Variants in AIG1 observed in about 807,000 individuals in gnomAD.
AIG1 encodes the protein androgen-induced gene 1 protein.
Under a neutral mutation model 31.4 loss-of-function variants are expected in AIG1, and 23 were observed. That is an observed-to-expected ratio of 0.73 (90% CI 0.53 to 1.04). The LOEUF (loss-of-function observed/expected upper bound fraction) is 1.04, where lower values mean the gene tolerates loss of function less well. AIG1 is among the 50% of genes least tolerant of loss of function. AIG1 has a pLI of 0.00. For missense variants in AIG1, 274 were observed against 295.0 expected (o/e 0.93, Z 0.52); for synonymous variants, 100 against 110.5 (o/e 0.90, Z 0.60).
downstream of AIG1, chr6:143,342,383 T>C: frequency 1.4e-6 from 1 of 689,828 alleles, no homozygotes; most frequent in South Asian, 1.5e-5. Flanking sequence ...TTAACTTCTT[T>C]ATTCAGAAAA....
chr6:143,274,309 G>A (rs959944059), intron 3 of AIG1, among the ~76,000 whole-genome samples: 1 of 152,134 alleles, frequency 6.6e-6, no homozygotes, highest in Non-Finnish European at 1.5e-5. Context: ...CTTCCAGTTG[G>A]ATAAACTTGT....
chr6:143,136,405 C>G (rs966561590), intron 1 of AIG1, among the ~76,000 whole-genome samples: 1 of 152,156 alleles, frequency 6.6e-6, no homozygotes, highest in African/African-American at 2.4e-5. Context: ...AGTCCTCACC[C>G]TTTTGTTTTC....
At chr6:143,136,273 T>C (rs1457658182) in intron 1 of AIG1, among the ~76,000 whole-genome samples, 3 of 152,176 alleles carry the variant, frequency 2.0e-5, no homozygotes, top group Non-Finnish European at 4.4e-5. Context: ...TTCAGTCGAT[T>C]TTTTTATGAC....
chr6:143,261,729 G>A (rs1048183535), intron 3 of AIG1, among the ~76,000 whole-genome samples: 1 of 152,094 alleles, frequency 6.6e-6, no homozygotes, highest in Non-Finnish European at 1.5e-5. Context: ...AGTTCACAAA[G>A]ATGGAAAGTT....
chr6:143,329,318 TC>T lies in AIG1; in HGVS notation c.516-3963del, dbSNP rs1427519455. Among the ~76,000 whole-genome samples, 1 of 152,220 alleles carries T rather than the reference TC, an allele frequency of 6.6e-6. No individual in the cohort carries two copies. The highest frequency in any genetic ancestry group is 2.4e-5 in the African/African-American group (1 of 41,458). Reference sequence around the variant, plus strand: ...TTTTATGATAAGTTCTTTAGTCTGATCTCAGTTTCTTTACCTGTTTAAAGAG... The same window carrying T: ...TTTTATGATAAGTTCTTTAGTCTGATTCAGTTTCTTTACCTGTTTAAAGAG... On this transcript the variant is annotated intron_variant, in intron 4 of 5. Transcript: ENST00000357847. The surrounding 1 kb of genome is among the most constrained non-coding windows in gnomAD (Gnocchi z 4.9).
At chr6:143,245,917 G>A (rs1272501735) in intron 3 of AIG1, among the ~76,000 whole-genome samples, 1 of 152,130 alleles carries the variant, frequency 6.6e-6, no homozygotes, top group Non-Finnish European at 1.5e-5. Context: ...TTAGGGCACG[G>A]TTGTCCCATC....
chr6:143,065,090 A>G (rs534749589), intron 1 of AIG1, among the ~76,000 whole-genome samples: 48 of 152,344 alleles, frequency 3.2e-4, no homozygotes, highest in Admixed American at 7.8e-4. Flanking sequence ...CAGTTAAGGT[A>G]GGGCAGGGAC....
At chr6:143,141,003 A>G (rs1272132939) in intron 2 of AIG1, among the ~76,000 whole-genome samples, 3 of 152,112 alleles carry the variant, frequency 2.0e-5, no homozygotes, top group South Asian at 2.1e-4. Context: ...GCTATTATCT[A>G]CTGTCTTTCT....
chr6:143,090,272 A>G (rs9496518), intron 1 of AIG1, among the ~76,000 whole-genome samples: 45 of 150,820 alleles, frequency 3.0e-4, no homozygotes, highest in African/African-American at 1.0e-3. Context: ...TGATATCTCT[A>G]TCATCTATCT....
chr6:143,171,513 ATAATATATATATT>A (rs1386093625), intron 3 of AIG1, among the ~76,000 whole-genome samples: 1 of 128,760 alleles, frequency 7.8e-6, no homozygotes, highest in African/African-American at 2.9e-5. Context: ...TTTAATATAT[ATAATATATATATT>A]TAATATATAT....
intron 3 of AIG1, among the ~76,000 whole-genome samples, chr6:143,174,486 CAAAAAAAAAAAA>C (rs71024844): frequency 9.2e-4 from 55 of 59,660 alleles, no homozygotes; most frequent in Non-Finnish European, 1.8e-3. Context: ...GACTCCGTCT[CAAAAAAAAAAAA>C]AAAAAAAAAA....
chr6:143,078,373 G>A (rs1446709671), intron 1 of AIG1, among the ~76,000 whole-genome samples: 1 of 152,152 alleles, frequency 6.6e-6, no homozygotes, highest in Non-Finnish European at 1.5e-5. Context: ...GACATCTGTT[G>A]ATTGTGGGTT....
At chr6:143,221,674 G>A (rs1026527337) in intron 3 of AIG1, among the ~76,000 whole-genome samples, 7 of 152,014 alleles carry the variant, frequency 4.6e-5, no homozygotes, top group Admixed American at 4.6e-4. Flanking sequence ...TACATTTCAT[G>A]CATTTTCTTC....
intron 1 of AIG1, among the ~76,000 whole-genome samples, chr6:143,109,807 A>G (rs1358102819): frequency 2.0e-5 from 3 of 152,226 alleles, no homozygotes; most frequent in Non-Finnish European, 4.4e-5. Context: ...CATGACAAAT[A>G]TATTTTCTTT....
At chr6:143,276,819 G>C (rs145152546) in intron 3 of AIG1, among the ~76,000 whole-genome samples, 45 of 152,262 alleles carry the variant, frequency 3.0e-4, no homozygotes, top group South Asian at 2.7e-3. Context: ...ATTTCCCGAG[G>C]TAAAAATTCA....
Position 143,328,360 on chromosome 6 carries a change from G to A in AIG1, c.516-4922G>A, listed in dbSNP as rs540754656. Reference sequence around the variant, plus strand: ...ACTTTTGATTGTGCTTTAATGAAAGGCATCTGAACATATTCATCAGCTATG... The same window carrying A: ...ACTTTTGATTGTGCTTTAATGAAAGACATCTGAACATATTCATCAGCTATG... On this transcript the variant is annotated intron_variant, in intron 4 of 5. Coordinates refer to ENST00000357847, the MANE Select transcript of AIG1 (RefSeq NM_016108.4). The surrounding 1 kb of genome is among the most constrained non-coding windows in gnomAD (Gnocchi z 4.0). Among the ~76,000 whole-genome samples, 7 of 152,216 alleles carry A rather than the reference G, an allele frequency of 4.6e-5. No homozygotes were observed. Among genetic ancestry groups the A allele is most frequent in the African/African-American group, 1.4e-4 (6 of 41,536 alleles).
chr6:143,338,554 T>G lies in AIG1; in HGVS notation c.680-1085T>G, dbSNP rs2128727276. ...CTTCCTATTGTAAGCCCTAACATTA[T>G]GACCCTCTGGGGTTAAATTTTATAA... On this transcript the variant is annotated intron_variant, in intron 5 of 5. Transcript: ENST00000357847. The surrounding 1 kb of genome is among the most constrained non-coding windows in gnomAD (Gnocchi z 4.3). The G allele has an allele frequency of 6.6e-6, 1 of 152,390 alleles. No individual in the cohort carries two copies. Among genetic ancestry groups the G allele is most frequent in the Non-Finnish European group, 1.5e-5 (1 of 68,082 alleles). 9.4% of individuals were successfully genotyped at this position (152,390 alleles called of 1,614,324 possible). A position where few individuals can be genotyped will look rare whatever the true frequency, so the allele number is the denominator to read the frequency against.
At chr6:143,224,539 A>G (rs1792786695) in intron 3 of AIG1, among the ~76,000 whole-genome samples, 2 of 152,216 alleles carry the variant, frequency 1.3e-5, no homozygotes, top group Non-Finnish European at 2.9e-5. Context: ...TGTGTAATGT[A>G]TTATCCAAAC....
chr6:143,195,841 C>T (rs765783697), intron 3 of AIG1, among the ~76,000 whole-genome samples: 6 of 152,136 alleles, frequency 3.9e-5, no homozygotes, highest in African/African-American at 7.2e-5. Flanking sequence ...CAAGAAAAGC[C>T]GCCAGAAGAA....
Sources: allele counts gnomAD v4.1 joint callset (sites outside exome capture counted in the v4.1 genomes callset), GRCh38; gene constraint gnomAD v4.1.1; non-coding constraint Gnocchi (gnomAD v3.1); transcripts MANE v1.5; gene names NCBI Gene and HGNC (gene_info 2026-07-23, HGNC 2026-07-21).